CC2D2B: variants seen among roughly 807,000 people sequenced by gnomAD.
CC2D2B encodes the protein coiled-coil and C2 domain containing 2B.
CC2D2B carries 128 observed loss-of-function variants against 161.2 expected under a neutral mutation model. That is an observed-to-expected ratio of 0.79 (90% CI 0.69 to 0.92). The LOEUF is 0.92. Ranked by LOEUF, CC2D2B falls within the 40% of genes least tolerant of loss-of-function variation. The probability of loss-of-function intolerance (pLI) is 0.00; values close to 1 mark genes in which losing one functional copy is unlikely to be tolerated. For missense variants in CC2D2B, 1,173 were observed against 1,375.1 expected (o/e 0.85, Z 2.32); for synonymous variants, 391 against 449.8 (o/e 0.87, Z 1.65).
chr10:95,928,617 C>T (rs759264154), intron 6 of CC2D2B, among the ~76,000 whole-genome samples: 5 of 152,128 alleles, frequency 3.3e-5, no homozygotes, highest in Non-Finnish European at 5.9e-5. Context: ...TCCATGTGTT[C>T]TCATTGTTCA....
Position 95,965,932 on chromosome 10 carries a change from C to T in CC2D2B, c.1287C>T (p.Ile429=). The change falls in exon 13 of 35, where the codon ATC becomes ATT. Residue 429 remains isoleucine, a synonymous_variant. Coordinates refer to ENST00000646931, the MANE Select transcript of CC2D2B (RefSeq NM_001349008.3). The part of the protein sequence containing the change: ...KMNKCDEQEQ[I]SEMSETEKKN... ...ATAAATGTGATGAACAAGAGCAAAT[C>T]TCAGAAATGTCTGAAACTGAGAAGA... is the stretch of plus-strand genomic sequence containing the variant. The T allele has an allele frequency of 2.5e-6, 3 of 1,214,984 alleles. No homozygotes were observed. The highest frequency in any genetic ancestry group is 3.1e-6 in the Non-Finnish European group (3 of 972,922). The allele number at this position is 1,214,984 out of a possible 1,614,324, so 75.3% of individuals were successfully genotyped here.
intron 30 of CC2D2B, among the ~76,000 whole-genome samples, chr10:96,017,418 A>C (rs7081169): frequency 0.12 from 18,523 of 152,144 alleles, 1,193 homozygotes; most frequent in Middle Eastern, 0.17. Flanking sequence ...ACAGTCAACA[A>C]TATTTTGGCA....
intron 11 of CC2D2B, among the ~76,000 whole-genome samples, chr10:95,960,599 A>T (rs984784772): frequency 1.3e-5 from 2 of 152,050 alleles, no homozygotes; most frequent in African/African-American, 4.8e-5. Context: ...TGCAGTCTCA[A>T]CCTTCTAGTC....
At position 95,993,770 on chromosome 10, in the gene CC2D2B, G is replaced by GTA. The variant is rs573061397; in HGVS notation, c.2642+1082_2642+1083dup. 5.3e-3 allele frequency among the ~76,000 whole-genome samples: 755 copies of GTA among 143,612 alleles called. 6 individuals carry two copies. Among genetic ancestry groups the GTA allele is most frequent in the Middle Eastern group, 0.015 (4 of 266 alleles). The allele number at this position is 143,612 out of a possible 152,430, so 94.2% of individuals were successfully genotyped here. ...TGTCATATATATATAGAAAGAGTGT[G>GTA]TATATATATAGAGTATATATATATA... is the stretch of plus-strand genomic sequence containing the variant. On this transcript the variant is annotated intron_variant, in intron 22 of 34. Transcript: ENST00000646931.
chr10:95,965,823 T>TG (rs2076923188), intron 12 of CC2D2B, 73 bp from the exon 13 acceptor site: 2 of 367,918 alleles, frequency 5.4e-6, no homozygotes, highest in Admixed American at 5.3e-5. Flanking sequence ...GTGTGTGTGT[T>TG]GGCAAAATCT....
intron 25 of CC2D2B, among the ~76,000 whole-genome samples, chr10:96,007,991 A>G (rs2078825653): frequency 6.6e-6 from 1 of 152,142 alleles, no homozygotes; most frequent in East Asian, 1.9e-4. Context: ...TGATATATGT[A>G]TATACCAATG....
intron 20 of CC2D2B, among the ~76,000 whole-genome samples, chr10:95,990,430 G>A (rs936083295): frequency 1.3e-5 from 2 of 152,270 alleles, no homozygotes; most frequent in Non-Finnish European, 2.9e-5. Flanking sequence ...TAGAAAACTT[G>A]GCGTAGAAGC....
chr10:95,968,819 C>A lies in CC2D2B; in HGVS notation c.1562C>A (p.Pro521His). ...NKQVSCTSVS[P>H]LQFDFKVMFQ... ...CAGGTTTCTTGTACTTCAGTATCTC[C>A]CCTACAGTTTGATTTTAAAGTCATG... is the stretch of plus-strand genomic sequence containing the variant. The change falls in exon 15 of 35, where the codon CCC becomes CAC. Residue 521 changes from proline (P) to histidine (H), a missense_variant. Pro to His is a moderately conservative substitution (Grantham distance 77). This residue lies in a region of CC2D2B where 277 missense variants were observed against 420.6 expected (regional missense o/e 0.66). Coordinates refer to ENST00000646931, the MANE Select transcript of CC2D2B (RefSeq NM_001349008.3). 3.3e-6 allele frequency: 4 copies of A among 1,206,638 alleles called. No homozygotes were observed. The highest frequency in any genetic ancestry group is 4.1e-6 in the Non-Finnish European group (4 of 964,942). 74.7% of individuals were successfully genotyped at this position (1,206,638 alleles called of 1,614,324 possible). A position where few individuals can be genotyped will look rare whatever the true frequency, so the allele number is the denominator to read the frequency against.
intron 6 of CC2D2B, among the ~76,000 whole-genome samples, chr10:95,930,480 C>T (rs7909949): frequency 0.12 from 18,527 of 152,172 alleles, 1,916 homozygotes; most frequent in African/African-American, 0.27. Flanking sequence ...TGCCAGTTTT[C>T]AAAGGGAATG....
chr10:95,925,382 G>A (rs2098536608), intron 5 of CC2D2B, among the ~76,000 whole-genome samples: 1 of 152,164 alleles, frequency 6.6e-6, no homozygotes, highest in African/African-American at 2.4e-5. Flanking sequence ...ACTGAATTGG[G>A]TTTGGTTTGC....
intron 14 of CC2D2B, among the ~76,000 whole-genome samples, 187 bp downstream of exon 14, chr10:95,966,489 G>C (rs969901898): frequency 1.3e-5 from 2 of 151,862 alleles, no homozygotes; most frequent in Admixed American, 6.6e-5. Context: ...TCTTAAAGAA[G>C]GAATGTAGCT....
At position 95,961,957 on chromosome 10, in the gene CC2D2B, T is replaced by TA; in HGVS notation, c.1239dup (p.Gln414ThrfsTer6). On this transcript the variant is annotated frameshift_variant, in exon 12 of 35. Transcript: ENST00000646931. LOFTEE classifies it high-confidence loss of function. ...GGGTTTACAAGCACCCCAATAAAGT[T>TA]ACAGGTTCAGAGGTAAGTGGCTGCT... 4.9e-6 allele frequency: 6 copies of TA among 1,231,336 alleles called. No individual in the cohort carries two copies. The allele number at this position is 1,231,336 out of a possible 1,614,324, so 76.3% of individuals were successfully genotyped here. A position where few individuals can be genotyped will look rare whatever the true frequency, so the allele number is the denominator to read the frequency against.
At chr10:95,963,146 G>A (rs549066402) in intron 12 of CC2D2B, among the ~76,000 whole-genome samples, 30 of 152,268 alleles carry the variant, frequency 2.0e-4, no homozygotes, top group Non-Finnish European at 3.7e-4. Flanking sequence ...CAGTCACCAG[G>A]CTGGCCCCAG....
At chr10:95,955,336 G>C (rs1352918219) in intron 10 of CC2D2B, 58 bp from the exon 11 acceptor site, 1 of 396,824 alleles carries the variant, frequency 2.5e-6, no homozygotes, top group Non-Finnish European at 4.5e-6. Context: ...CAGGTGAACT[G>C]GATCAATGGT....
chr10:95,926,104 A>C (rs2098537901), intron 5 of CC2D2B, among the ~76,000 whole-genome samples: 1 of 152,198 alleles, frequency 6.6e-6, no homozygotes, highest in African/African-American at 2.4e-5. Flanking sequence ...GTAAACGCAG[A>C]CTAAAAAGTG....
At chr10:95,963,257 C>T (rs974575702) in intron 12 of CC2D2B, among the ~76,000 whole-genome samples, 9 of 152,130 alleles carry the variant, frequency 5.9e-5, no homozygotes, top group South Asian at 2.1e-4. Flanking sequence ...AGATGTTCCT[C>T]GGAACTGTTT....
At chr10:95,961,003 G>C (rs1427486153) in intron 11 of CC2D2B, among the ~76,000 whole-genome samples, 1 of 152,164 alleles carries the variant, frequency 6.6e-6, no homozygotes, top group East Asian at 1.9e-4. Flanking sequence ...ATAGAACTTA[G>C]GTGGCAAAAT....
chr10:95,964,752 A>G (rs2076882710), intron 12 of CC2D2B, among the ~76,000 whole-genome samples: 1 of 152,128 alleles, frequency 6.6e-6, no homozygotes, highest in Non-Finnish European at 1.5e-5. Flanking sequence ...TCTATTTCAG[A>G]AGGCAAAAAG....
intron 24 of CC2D2B, 21 bp downstream of exon 24, chr10:95,996,273 C>A: frequency 1.9e-6 from 2 of 1,055,292 alleles, no homozygotes; most frequent in South Asian, 1.6e-5. Context: ...GTTCATTTTT[C>A]CATAGCTCCT....
Sources: allele counts gnomAD v4.1 joint callset (sites outside exome capture counted in the v4.1 genomes callset), GRCh38; gene constraint gnomAD v4.1.1; regional missense constraint gnomAD v4.1.1; transcripts MANE v1.5; gene names NCBI Gene and HGNC (gene_info 2026-07-23, HGNC 2026-07-21).